Variants in ARAP1 observed in about 807,000 individuals in gnomAD.
ARAP1 encodes ArfGAP with RhoGAP domain, ankyrin repeat and PH domain 1, also known as arf-GAP with Rho-GAP domain, ANK repeat and PH domain-containing protein 1.
In ARAP1, 76 loss-of-function variants were observed where a neutral mutation model predicts 172.2. The ratio of observed to expected loss-of-function variants is 0.44; its 90% confidence interval spans 0.37 to 0.53. The LOEUF is 0.53. Ranked by LOEUF, ARAP1 falls within the 20% of genes least tolerant of loss-of-function variation. The probability of loss-of-function intolerance (pLI) is 0.00; values close to 1 mark genes in which losing one functional copy is unlikely to be tolerated. For synonymous variants in ARAP1, 804 were observed against 803.3 expected (o/e 1.00, Z -0.01); for missense variants, 1,686 against 1,977.5 (o/e 0.85, Z 2.80).
At chr11:72,739,432 G>A (rs1858136126) in intron 1 of ARAP1, among the ~76,000 whole-genome samples, 1 of 152,144 alleles carries the variant, frequency 6.6e-6, no homozygotes, top group Non-Finnish European at 1.5e-5. Context: ...CCAGAGCCGG[G>A]GGAATGAAGA....
chr11:72,697,968 C>T lies in ARAP1; in HGVS notation c.2680G>A (p.Val894Ile), dbSNP rs758596450. Residue 894 changes from valine (V) to isoleucine (I), a missense_variant, in exon 19 of 35, where the codon GTC (valine) becomes ATC (isoleucine). This residue lies in a region of ARAP1 where 274 missense variants were observed against 262.7 expected (regional missense o/e 1.04). Coordinates refer to ENST00000393609, the MANE Select transcript of ARAP1 (RefSeq NM_001040118.3). ...FSLSGSELRA[V>I]FPEGPCEEPL... is the part of the protein sequence containing the mutation. The stretch of plus-strand genomic sequence containing the variant: ...TCTTCGCAGGGCCCCTCCGGGAAGA[C>T]AGCACGGAGCTCCGAGCCACTGAGA... 2 of 1,611,884 alleles carry T rather than the reference C, an allele frequency of 1.2e-6. No homozygotes were observed. Among genetic ancestry groups the T allele is most frequent in the Admixed American group, 3.3e-5 (2 of 59,778 alleles).
At chr11:72,713,859 A>G (rs1045724510) in intron 4 of ARAP1, among the ~76,000 whole-genome samples, 27 of 151,990 alleles carry the variant, frequency 1.8e-4, no homozygotes, top group Admixed American at 1.6e-3. Flanking sequence ...AAAAAAAAAA[A>G]AAAAAGAAAA....
At chr11:72,745,865 C>T (rs970194295) in intron 1 of ARAP1, among the ~76,000 whole-genome samples, 8 of 152,286 alleles carry the variant, frequency 5.3e-5, no homozygotes, top group Non-Finnish European at 1.2e-4. Flanking sequence ...GCTCCTGACC[C>T]GCAGCCTCTT....
chr11:72,750,083 C>G (rs949355509), intron 1 of ARAP1, among the ~76,000 whole-genome samples: 1 of 152,198 alleles, frequency 6.6e-6, no homozygotes, highest in African/African-American at 2.4e-5. Context: ...GCCTGTCCCC[C>G]ACCCTTGTTC....
At chr11:72,716,395 C>G (rs763566887) in intron 3 of ARAP1, among the ~76,000 whole-genome samples, 1 of 152,238 alleles carries the variant, frequency 6.6e-6, no homozygotes, top group Non-Finnish European at 1.5e-5. Context: ...AGCTGGCCTT[C>G]GGCTAGGTTT....
chr11:72,705,925 G>C (rs1565217801), intron 12 of ARAP1, 35 bp from the exon 13 acceptor site: 2 of 1,608,320 alleles, frequency 1.2e-6, no homozygotes, highest in Admixed American at 3.3e-5. Context: ...AATCACCTGG[G>C]CCCCCCCTTC....
intron 2 of ARAP1, among the ~76,000 whole-genome samples, chr11:72,727,727 G>A (rs530570711): frequency 1.5e-4 from 23 of 152,364 alleles, no homozygotes; most frequent in South Asian, 6.2e-4. Flanking sequence ...GCTGTGGGAC[G>A]TGAGTAAACC....
intron 3 of ARAP1, chr11:72,721,744 A>G: frequency 1.1e-6 from 1 of 933,110 alleles, no homozygotes; most frequent in African/African-American, 1.8e-5. Flanking sequence ...GGAGGAGAGC[A>G]GCACAGAAAA....
At position 72,741,253 on chromosome 11, in the gene ARAP1, T is replaced by C. The variant is rs1858190467; in HGVS notation, c.-127-8656A>G. On this transcript the variant is annotated intron_variant, in intron 1 of 34. Transcript: ENST00000393609. The surrounding 1 kb of genome is among the most constrained non-coding windows in gnomAD (Gnocchi z 4.5). ...ACCGCTGCCTCCTGCCTCTGCCCCCTGCAACCAGGACATACTCTAGCCCAC... is the reference window on the plus strand; with the variant it reads ...ACCGCTGCCTCCTGCCTCTGCCCCCCGCAACCAGGACATACTCTAGCCCAC... Among the ~76,000 whole-genome samples, 1 of 151,958 alleles carries C rather than the reference T, an allele frequency of 6.6e-6. No individual in the cohort carries two copies. The highest frequency in any genetic ancestry group is 1.5e-5 in the Non-Finnish European group (1 of 67,968).
intron 33 of ARAP1, 65 bp downstream of exon 33, chr11:72,687,374 T>G: frequency 1.3e-6 from 2 of 1,591,260 alleles, no homozygotes; most frequent in Non-Finnish European, 1.7e-6. Context: ...GAAGCCAATG[T>G]CCCCATTCTC....
intron 3 of ARAP1, chr11:72,722,074 G>C (rs1387160626): frequency 1.0e-6 from 1 of 985,428 alleles, no homozygotes; most frequent in Admixed American, 6.1e-5. Flanking sequence ...ATGTCTTTAA[G>C]TGTTTGTGAA....
chr11:72,748,790 G>A (rs1199511974), intron 1 of ARAP1, among the ~76,000 whole-genome samples: 1 of 152,192 alleles, frequency 6.6e-6, no homozygotes, highest in South Asian at 2.1e-4. Flanking sequence ...TGGTTGGAAT[G>A]CACATACAGT....
In ARAP1 at chr11:72,686,087, A is replaced by C; in HGVS notation, c.4290T>G (p.Asn1430Lys). ...AGGCAGCCACACTCCGGCGCATTTCATTTTCACTACCTCGAAGGGGGATCA... is the reference window on the plus strand; with the variant it reads ...AGGCAGCCACACTCCGGCGCATTTCCTTTTCACTACCTCGAAGGGGGATCA... ...VSLIPLRGSE[N>K]EMRRSVAAFT... is the part of the protein sequence containing the mutation. Residue 1430 changes from asparagine (N) to lysine (K), a missense_variant, in exon 34 of 35, where the codon AAT becomes AAG. Physicochemically the swap from Asn to Lys is moderately conservative, Grantham distance 94. This residue lies in a region of ARAP1 where 379 missense variants were observed against 500.1 expected (regional missense o/e 0.76). Transcript: ENST00000393609. 1 of 1,613,952 alleles carries C rather than the reference A, an allele frequency of 6.2e-7. No homozygotes were observed. Among genetic ancestry groups the C allele is most frequent in the Non-Finnish European group, 8.5e-7 (1 of 1,180,006 alleles).
chr11:72,704,190 A>T lies in ARAP1; in HGVS notation c.1954T>A (p.Tyr652Asn). 6.2e-7 allele frequency: 1 copy of T among 1,614,040 alleles called. No homozygotes were observed. The highest frequency in any genetic ancestry group is 1.1e-5 in the South Asian group (1 of 91,090). The change falls in exon 14 of 35, where the codon TAC (tyrosine) becomes AAC (asparagine). Residue 652 changes from tyrosine (Y) to asparagine (N), a missense_variant. Around this residue, in one of 5 missense-constraint regions of ARAP1, gnomAD observed 688 missense variants for 856.9 expected, o/e 0.80. Transcript: ENST00000393609. Reference protein sequence around the residue: ...AKYREGKYRRYHPLFGNQEEL... With the variant: ...AKYREGKYRRNHPLFGNQEEL... ...TCCTGGTTGCCAAAGAGCGGGTGGT[A>T]GCGGCGGTACTTGCCCTCACGGTAC...
chr11:72,690,966 T>C (rs1290308698), intron 30 of ARAP1, among the ~76,000 whole-genome samples: 1 of 152,256 alleles, frequency 6.6e-6, no homozygotes, highest in African/African-American at 2.4e-5. Flanking sequence ...AACCCCGTGG[T>C]AACCAGCTCA....
In ARAP1 at chr11:72,685,687, G is replaced by C. The variant is rs1411651519; in HGVS notation, c.4336-6C>G. ...GCTCAGACGTTGCGCAGAAGCTGCA[G>C]GAAGGCAAGAGACCCACAGGTATTT... is the stretch of plus-strand genomic sequence containing the variant. On this transcript the variant is annotated splice_polypyrimidine_tract_variant and splice_region_variant and intron_variant, in intron 34 of 34. Transcript: ENST00000393609. 6.2e-7 allele frequency: 1 copy of C among 1,614,048 alleles called. No individual in the cohort carries two copies. Among genetic ancestry groups the C allele is most frequent in the South Asian group, 1.1e-5 (1 of 91,086 alleles).
At chr11:72,694,318 G>A (rs1391760328) in intron 27 of ARAP1, among the ~76,000 whole-genome samples, 1 of 151,694 alleles carries the variant, frequency 6.6e-6, no homozygotes, top group Admixed American at 6.6e-5. Flanking sequence ...CTAGCCCTCC[G>A]ATGGTCTTGC....
At chr11:72,713,123 C>T (rs1354317181) in intron 5 of ARAP1, 53 bp downstream of exon 5, 23 of 1,579,678 alleles carry the variant, frequency 1.5e-5, no homozygotes, top group Non-Finnish European at 1.9e-5. Flanking sequence ...TGACAGGCAG[C>T]TGGGCACCCC....
Position 72,699,439 on chromosome 11 carries a change from C to A in ARAP1, c.2416G>T (p.Val806Leu). 1 of 1,614,184 alleles carries A rather than the reference C, an allele frequency of 6.2e-7. No individual in the cohort carries two copies. The highest frequency in any genetic ancestry group is 8.5e-7 in the Non-Finnish European group (1 of 1,180,032). Reference sequence around the variant, plus strand: ...CACCCATGGGTGTCAGGAGGGGGCACTGCCAGGCACACAATCTCGCTGGCC... The same window carrying A: ...CACCCATGGGTGTCAGGAGGGGGCAATGCCAGGCACACAATCTCGCTGGCC... ...IRASEIVCLA[V>L]PPPDTHGFEH... The change falls in exon 17 of 35, where the codon GTG becomes TTG. Residue 806 changes from valine to leucine, a missense_variant. Around this residue, in one of 5 missense-constraint regions of ARAP1, gnomAD observed 688 missense variants for 856.9 expected, o/e 0.80. Coordinates refer to ENST00000393609, the MANE Select transcript of ARAP1 (RefSeq NM_001040118.3). The surrounding 1 kb of genome is among the most constrained non-coding windows in gnomAD (Gnocchi z 4.2).
Sources: gnomAD v4.1 joint callset for allele counts (sites outside exome capture counted in the v4.1 genomes callset) on GRCh38, gnomAD v4.1.1 for gene constraint, gnomAD v4.1.1 regional missense constraint, Gnocchi (gnomAD v3.1) non-coding constraint, MANE v1.5 for transcripts, NCBI Gene and HGNC (gene_info 2026-07-23, HGNC 2026-07-21) for gene names.